GALNT17: variants seen among roughly 807,000 people sequenced by gnomAD.
GALNT17 encodes polypeptide N-acetylgalactosaminyltransferase 17, also known as UDP-GalNAc:polypeptide N-acetylgalactosaminyltransferase-like 3.
In GALNT17, 29 loss-of-function variants were observed where a neutral mutation model predicts 63.7. That is an observed-to-expected ratio of 0.46 (90% confidence interval 0.34 to 0.62). The LOEUF (loss-of-function observed/expected upper bound fraction) is 0.62, where lower values mean the gene tolerates loss of function less well. Ranked by LOEUF, GALNT17 falls within the 20% of genes least tolerant of loss-of-function variation. The pLI is 0.01. For missense variants in GALNT17, 603 were observed against 799.6 expected (o/e 0.75, Z 2.97); for synonymous variants, 305 against 318.3 (o/e 0.96, Z 0.45).
At chr7:71,646,096 CT>C (rs1790671355) in intron 6 of GALNT17, among the ~76,000 whole-genome samples, 3 of 152,144 alleles carry the variant, frequency 2.0e-5, no homozygotes, top group Admixed American at 2.0e-4. Flanking sequence ...GGCATTTTGC[CT>C]CCAAGTTCCT....
chr7:71,328,577 G>A (rs12699014), intron 1 of GALNT17, among the ~76,000 whole-genome samples: 2 of 151,908 alleles, frequency 1.3e-5, no homozygotes, highest in Non-Finnish European at 2.9e-5. Context: ...TCGGCTGGTG[G>A]ACTTGAACTC....
chr7:71,362,607 C>T (rs536499824), intron 2 of GALNT17, among the ~76,000 whole-genome samples: 1 of 152,264 alleles, frequency 6.6e-6, no homozygotes, highest in South Asian at 2.1e-4. Flanking sequence ...GGAACGCATC[C>T]CACGTGGCTG....
At chr7:71,370,016 G>C (rs1301856963) in intron 2 of GALNT17, among the ~76,000 whole-genome samples, 3 of 152,068 alleles carry the variant, frequency 2.0e-5, no homozygotes, top group African/African-American at 7.2e-5. Flanking sequence ...GGCCATGTAA[G>C]TTATTAGATT....
chr7:71,350,305 A>T (rs1374564281), intron 2 of GALNT17, among the ~76,000 whole-genome samples: 2 of 152,194 alleles, frequency 1.3e-5, no homozygotes, highest in African/African-American at 4.8e-5. Flanking sequence ...ATCAGCTCCC[A>T]CACACCAGGC....
In GALNT17 at chr7:71,334,659, G is replaced by C. The variant is rs140059784; in HGVS notation, c.239-891G>C. Among the ~76,000 whole-genome samples, 75 of 152,302 alleles carry C rather than the reference G, an allele frequency of 4.9e-4. 1 individual carries two copies. Among genetic ancestry groups the C allele is most frequent in the African/African-American group, 1.8e-3 (74 of 41,578 alleles). On this transcript the variant is annotated intron_variant, in intron 1 of 10. Coordinates refer to ENST00000333538, the MANE Select transcript of GALNT17 (RefSeq NM_022479.3). ...TAGGTTTAAGGTGTCACCATCCTGG[G>C]AGCTTGCAATTGCTCAGTGAGGCTT...
intron 1 of GALNT17, among the ~76,000 whole-genome samples, chr7:71,245,488 G>T (rs758222605): frequency 3.7e-4 from 57 of 152,158 alleles, no homozygotes; most frequent in Non-Finnish European, 7.5e-4. Flanking sequence ...GGGGGAGGCA[G>T]GTGGAAAATT....
At position 71,537,372 on chromosome 7, in the gene GALNT17, G is replaced by A. The variant is rs144521019; in HGVS notation, c.963-33913G>A. Among the ~76,000 whole-genome samples, 1,318 of 152,234 alleles carry A rather than the reference G, an allele frequency of 8.7e-3. 13 individuals are homozygous for A. The highest frequency in any genetic ancestry group is 0.03 in the African/African-American group (1,266 of 41,538). On this transcript the variant is annotated intron_variant, in intron 5 of 10. Transcript: ENST00000333538. ...TTCCCAAGCCTGTGACTGTGAACTTGTTTGGAAAGAGGAGGGCTTCGCAGA... is the reference window on the plus strand; with the variant it reads ...TTCCCAAGCCTGTGACTGTGAACTTATTTGGAAAGAGGAGGGCTTCGCAGA...
intron 2 of GALNT17, among the ~76,000 whole-genome samples, chr7:71,378,870 T>C (rs1210592400): frequency 6.6e-6 from 1 of 151,832 alleles, no homozygotes; most frequent in African/African-American, 2.4e-5. Flanking sequence ...GGTGTGGTGG[T>C]GCACGCCTGT....
intron 1 of GALNT17, among the ~76,000 whole-genome samples, chr7:71,322,423 A>G (rs1791634504): frequency 6.6e-6 from 1 of 152,188 alleles, no homozygotes; most frequent in African/African-American, 2.4e-5. Context: ...AAGGCACTTC[A>G]AGCGTCTAAC....
At chr7:71,590,038 A>G (rs761928099) in intron 6 of GALNT17, among the ~76,000 whole-genome samples, 20 of 140,366 alleles carry the variant, frequency 1.4e-4, no homozygotes, top group Non-Finnish European at 2.1e-4. Flanking sequence ...CCATGCCCGT[A>G]CATGTATTTC....
At chr7:71,490,590 T>C (rs1194047345) in intron 5 of GALNT17, among the ~76,000 whole-genome samples, 4 of 151,662 alleles carry the variant, frequency 2.6e-5, no homozygotes, top group Admixed American at 2.6e-4. Flanking sequence ...CATAGCCAGA[T>C]GCCATCTCTA....
At chr7:71,429,609 C>G (rs1583945353) in intron 5 of GALNT17, among the ~76,000 whole-genome samples, 1 of 152,170 alleles carries the variant, frequency 6.6e-6, no homozygotes, top group Non-Finnish European at 1.5e-5. Context: ...GTGGTGAGAT[C>G]ATAGTTCATC....
chr7:71,188,560 C>T (rs932990191), intron 1 of GALNT17, among the ~76,000 whole-genome samples: 1 of 152,006 alleles, frequency 6.6e-6, no homozygotes, highest in Non-Finnish European at 1.5e-5. Context: ...TGTCCTTAGC[C>T]CACTTTTTGA....
intron 5 of GALNT17, among the ~76,000 whole-genome samples, chr7:71,444,923 T>C (rs1193073211): frequency 1.3e-5 from 2 of 152,210 alleles, no homozygotes; most frequent in Admixed American, 1.3e-4. Flanking sequence ...ACGCAGGCTT[T>C]GATCAGTAGG....
chr7:71,596,267 T>C (rs1789884994), intron 6 of GALNT17, among the ~76,000 whole-genome samples: 1 of 152,118 alleles, frequency 6.6e-6, no homozygotes, highest in South Asian at 2.1e-4. Flanking sequence ...CTCAAACTCC[T>C]GACCTCGTGA....
At chr7:71,346,026 T>TAAAAAAAAAAAAAA (rs35499113) in intron 2 of GALNT17, among the ~76,000 whole-genome samples, 1 of 127,226 alleles carries the variant, frequency 7.9e-6, no homozygotes, top group Non-Finnish European at 1.7e-5. Flanking sequence ...TACTAAAAAT[T>TAAAAAAAAAAAAAA]AAAAAAAAAA....
chr7:71,276,585 T>C (rs1790685899), intron 1 of GALNT17, among the ~76,000 whole-genome samples: 1 of 152,172 alleles, frequency 6.6e-6, no homozygotes, highest in South Asian at 2.1e-4. Context: ...TCCCTGCACA[T>C]GTCCTCTTGC....
In GALNT17 at chr7:71,158,054, C is replaced by A. The variant is rs146425373; in HGVS notation, c.238+25014C>A. Among the ~76,000 whole-genome samples the A allele has an allele frequency of 5.8e-3, 876 of 151,758 alleles. 27 individuals are homozygous for A. Among genetic ancestry groups the A allele is most frequent in the African/African-American group, 0.019 (791 of 41,170 alleles). ...AATGAGTACTTAGGTTGATTCCATA[C>A]CTTGGCAATTGTGAATAGTGCTGCA... is the stretch of plus-strand genomic sequence containing the variant. On this transcript the variant is annotated intron_variant, in intron 1 of 10. Coordinates refer to ENST00000333538, the MANE Select transcript of GALNT17 (RefSeq NM_022479.3).
rs139519391 is a variant in GALNT17, at chr7:71,457,708, G to A, written c.962+36603G>A. On this transcript the variant is annotated intron_variant, in intron 5 of 10. Coordinates refer to ENST00000333538, the MANE Select transcript of GALNT17 (RefSeq NM_022479.3). ...GTGAAAATGACCAGAGGTCACTCTC[G>A]TCTCCATCTTGGTTTTGGTGGGTTT... Among the ~76,000 whole-genome samples, 168 of 152,206 alleles carry A rather than the reference G, an allele frequency of 1.1e-3. 1 individual carries two copies. Among genetic ancestry groups the A allele is most frequent in the Middle Eastern group, 3.4e-3 (1 of 294 alleles).
Sources: allele counts gnomAD v4.1 joint callset (sites outside exome capture counted in the v4.1 genomes callset), GRCh38; gene constraint gnomAD v4.1.1; transcripts MANE v1.5; gene names NCBI Gene and HGNC (gene_info 2026-07-23, HGNC 2026-07-21).